Variants in MFSD12 observed in about 807,000 individuals in gnomAD.
MFSD12 encodes major facilitator superfamily domain containing 12.
In MFSD12, 67 loss-of-function variants were observed where a neutral mutation model predicts 51.2. The ratio of observed to expected loss-of-function variants is 1.31; its 90% CI spans 1.08 to 1.60. The LOEUF (loss-of-function observed/expected upper bound fraction) is 1.60. Among genes scored for constraint, MFSD12 ranks in the 40% most tolerant of loss-of-function variants. The pLI is 0.00. For missense variants in MFSD12, 921 were observed against 673.0 expected, an observed-to-expected ratio of 1.37 and a Z score of -4.08; for synonymous variants, 441 against 316.7, an observed-to-expected ratio of 1.39 and a Z score of -4.17.
At chr19:3,545,375 C>T (rs563472440) in intron 8 of MFSD12, among the ~76,000 whole-genome samples, 1 of 152,342 alleles carries the variant, frequency 6.6e-6, no homozygotes, top group South Asian at 2.1e-4. Context: ...CATGGCCCAC[C>T]AGGCCCTGCA....
rs2030758545 is a variant in MFSD12 at position 3,544,395 on chromosome 19, G to A, written c.*315C>T. On this transcript the variant is annotated 3_prime_UTR_variant, in exon 10 of 10. Transcript: ENST00000355415. ...GAGGGGTGAACTGGACTGAGCTCAG[G>A]GTTAGGGTTCCCCCAGACCCTTCTG... 2 of 1,309,190 alleles carry A rather than the reference G, an allele frequency of 1.5e-6. No individual in the cohort carries two copies. Among genetic ancestry groups the A allele is most frequent in the Admixed American group, 3.5e-5 (1 of 28,200 alleles). 81.1% of individuals were successfully genotyped at this position (1,309,190 alleles called of 1,614,324 possible).
At chr19:3,543,855 G>A (rs748774696), downstream of MFSD12, 13 of 1,546,444 alleles carry the variant, frequency 8.4e-6, no homozygotes, top group African/African-American at 1.4e-5. Context: ...GTACGGGGTG[G>A]AGCCACTGTG....
chr19:3,542,933 C>T (rs756889613), downstream of MFSD12: 3 of 1,470,526 alleles, frequency 2.0e-6, no homozygotes, highest in South Asian at 2.2e-5. Context: ...CAGGAGTAGC[C>T]AGGGCCCTTG....
rs552557201 is a variant in MFSD12, at chr19:3,554,113, A to T, written c.299-2919T>A. Among the ~76,000 whole-genome samples, 45 of 151,900 alleles carry T rather than the reference A, an allele frequency of 3.0e-4. No individual in the cohort carries two copies. In the East Asian group the frequency reaches 7.2e-3, roughly 24 times the overall value. ...AAAAAATAAAAATAAATAAAAAATT[A>T]AAAAAAGAAGAGAAAGAAGGGTAGT... On this transcript the variant is annotated intron_variant, in intron 1 of 9. Transcript: ENST00000355415.
At chr19:3,556,700 G>A (rs1027294823) in intron 1 of MFSD12, among the ~76,000 whole-genome samples, 1 of 152,050 alleles carries the variant, frequency 6.6e-6, no homozygotes, top group African/African-American at 2.4e-5. Flanking sequence ...TAGTCAGACA[G>A]ACGGGGGAGG....
intron 1 of MFSD12, among the ~76,000 whole-genome samples, chr19:3,556,194 G>A (rs570487357): frequency 1.3e-5 from 2 of 152,338 alleles, no homozygotes; most frequent in South Asian, 2.1e-4. Context: ...CACACAGAGA[G>A]AGAGGAGGCT....
intron 1 of MFSD12, among the ~76,000 whole-genome samples, chr19:3,553,320 G>A (rs1599839881): frequency 6.6e-6 from 1 of 152,220 alleles, no homozygotes; most frequent in African/African-American, 2.4e-5. Flanking sequence ...AGAAAACAGG[G>A]ATAGTGGCCA....
At position 3,544,751 on chromosome 19, in the gene MFSD12, A is replaced by G. The variant is rs2030807775; in HGVS notation, c.1421-19T>C. ...CGGTCCCCTGCAAGGGAGGGGTGGA[A>G]ATGGCATTAGAGAGTGTGGGTCAGT... is the stretch of plus-strand genomic sequence containing the variant. On this transcript the variant is annotated intron_variant, in intron 9 of 9. Transcript: ENST00000355415. 1 of 1,580,676 alleles carries G rather than the reference A, an allele frequency of 6.3e-7. No individual in the cohort carries two copies. Among genetic ancestry groups the G allele is most frequent in the Non-Finnish European group, 8.6e-7 (1 of 1,159,862 alleles).
At chr19:3,543,479 T>TCC (rs2030616428), downstream of MFSD12, 1 of 1,390,162 alleles carries the variant, frequency 7.2e-7, no homozygotes. Flanking sequence ...ATCGGGTGAG[T>TCC]GCCCCCCCCC....
At position 3,551,017 on chromosome 19, in the gene MFSD12, T is replaced by C; in HGVS notation, c.476A>G (p.Asn159Ser). 1 of 1,612,590 alleles carries C rather than the reference T, an allele frequency of 6.2e-7. No individual in the cohort carries two copies. Among genetic ancestry groups the C allele is most frequent in the Middle Eastern group, 1.7e-4 (1 of 5,834 alleles). ...HLSLIPELVT[N>S]DHEKVELTAL... ...CGTGAGCTCCACCTTCTCATGGTCG[T>C]TGGTGACGAGCTCCGGGATGAGGCT... is the stretch of plus-strand genomic sequence containing the variant. Residue 159 changes from asparagine (N) to serine (S), a missense_variant, in exon 2 of 10, where the codon AAC (asparagine) becomes AGC (serine). By Grantham distance (46) the Asn-to-Ser change is conservative. Transcript: ENST00000355415. This position sits in a 1 kb window ranked among gnomAD's most constrained non-coding sequence, Gnocchi z 4.6.
intron 6 of MFSD12, among the ~76,000 whole-genome samples, chr19:3,546,904 T>TGG (rs2031108107): frequency 1.3e-5 from 2 of 151,640 alleles, no homozygotes; most frequent in African/African-American, 4.8e-5. Context: ...TGTGATCTCA[T>TGG]CTCACTGCAA....
downstream of MFSD12, chr19:3,543,543 GC>G: frequency 8.2e-7 from 1 of 1,216,396 alleles, no homozygotes; most frequent in South Asian, 1.4e-5. Flanking sequence ...GCCAGCCCCC[GC>G]CCCACCGCAG....
At chr19:3,556,568 TGGGGGAGGCACAGCACAGTCAGAC>T (rs2031733139) in intron 1 of MFSD12, among the ~76,000 whole-genome samples, 1 of 98,524 alleles carries the variant, frequency 1.0e-5, no homozygotes, top group Non-Finnish European at 1.9e-5. Flanking sequence ...GTCAGACAGA[TGGGGGAGGCACAGCACAGTCAGAC>T]GGGGGAGGCT....
At chr19:3,542,525 G>A, downstream of MFSD12, 1 of 926,352 alleles carries the variant, frequency 1.1e-6, no homozygotes. Context: ...CCAGGCTGGA[G>A]TGCAAGGGCA....
At position 3,538,642 on chromosome 19, in the gene MFSD12, T is replaced by G. The variant is rs368103199; in HGVS notation, c.*120A>C. On this transcript the variant is annotated 3_prime_UTR_variant, in exon 5 of 5. Coordinates refer to the MFSD12 transcript ENST00000398558. ...GCACCTCCTTGTGGCTGAGTCTCGT[T>G]CCAGCACGGTGGCGGCGCCGTGCTG... The G allele has an allele frequency of 2.1e-4, 72 of 335,084 alleles. No homozygotes were observed. In the African/African-American group the frequency reaches 5.7e-3, roughly 26 times the overall value. 20.8% of individuals were successfully genotyped at this position (335,084 alleles called of 1,614,324 possible). A position where few individuals can be genotyped will look rare whatever the true frequency, so the allele number is the denominator to read the frequency against.
chr19:3,538,640 G>A (rs8644), exon 5 of MFSD12: 139,646 of 381,740 alleles, frequency 0.37, 26,081 homozygotes, highest in East Asian at 0.82. Flanking sequence ...GCTGAGTCTC[G>A]TTCCAGCACG....
intron 8 of MFSD12, among the ~76,000 whole-genome samples, chr19:3,545,449 C>T (rs1302591293): frequency 6.6e-6 from 1 of 152,250 alleles, no homozygotes; most frequent in Non-Finnish European, 1.5e-5. Flanking sequence ...TCTTCCAACA[C>T]AACATGCCAG....
downstream of MFSD12, chr19:3,543,478 GT>G (rs2030616247): frequency 2.0e-6 from 3 of 1,505,302 alleles, no homozygotes; most frequent in Non-Finnish European, 2.7e-6. Flanking sequence ...CATCGGGTGA[GT>G]GCCCCCCCCC....
downstream of MFSD12, chr19:3,544,052 T>C: frequency 1.3e-6 from 2 of 1,493,102 alleles, no homozygotes; most frequent in South Asian, 2.6e-5. Context: ...TGCACCCAGA[T>C]GAGGGGGCAC....
Sources: gnomAD v4.1 joint callset for allele counts (sites outside exome capture counted in the v4.1 genomes callset) on GRCh38, gnomAD v4.1.1 for gene constraint, Gnocchi (gnomAD v3.1) non-coding constraint, MANE v1.5 for transcripts, NCBI Gene and HGNC (gene_info 2026-07-23, HGNC 2026-07-21) for gene names.